Variants in ZC3H3 observed in about 807,000 individuals in gnomAD.
The protein encoded by ZC3H3 is zinc finger CCCH-type containing 3.
ZC3H3 carries 36 observed loss-of-function variants against 77.3 expected under a neutral mutation model. The ratio of observed to expected loss-of-function variants is 0.47; its 90% CI spans 0.36 to 0.61. ZC3H3 has a LOEUF of 0.61. Ranked by LOEUF, ZC3H3 falls within the 20% of genes least tolerant of loss-of-function variation. The pLI is 0.00. For missense variants in ZC3H3, 1,331 were observed against 1,312.2 expected (o/e 1.01, Z -0.22); for synonymous variants, 626 against 555.2 (o/e 1.13, Z -1.79).
chr8:143,457,602 G>C (rs991003962), intron 9 of ZC3H3, among the ~76,000 whole-genome samples: 1 of 152,098 alleles, frequency 6.6e-6, no homozygotes, highest in East Asian at 1.9e-4. Flanking sequence ...TGTGGTAGCA[G>C]GGACCTGTAG....
At chr8:143,488,512 C>T (rs1295350684) in intron 4 of ZC3H3, among the ~76,000 whole-genome samples, 2 of 151,602 alleles carry the variant, frequency 1.3e-5, no homozygotes, top group African/African-American at 4.9e-5. Flanking sequence ...GGCCCCATCA[C>T]CACGAAGCTC....
In ZC3H3 at chr8:143,441,029, T is replaced by G. The variant is rs769670337; in HGVS notation, c.2399A>C (p.Gln800Pro). The G allele has an allele frequency of 8.1e-6, 12 of 1,482,228 alleles. No individual in the cohort carries two copies. Among genetic ancestry groups the G allele is most frequent in the Non-Finnish European group, 1.1e-5 (12 of 1,124,782 alleles). The allele number at this position is 1,482,228 out of a possible 1,614,324, so 91.8% of individuals were successfully genotyped here. Residue 800 changes from glutamine (Q) to proline (P), a missense_variant, in exon 10 of 12, where the codon CAG (glutamine) becomes CCG (proline). Physicochemically the swap from Gln to Pro is moderately conservative, Grantham distance 76 (BLOSUM62 -1). This residue lies in a region of ZC3H3 where 249 missense variants were observed against 236.9 expected (regional missense o/e 1.05). Transcript: ENST00000262577. ...GAQCQLLHRTQKRHSRRAATS... is the reference protein window; with the variant it reads ...GAQCQLLHRTPKRHSRRAATS... ...GGCTGCCCGCCGACTGTGGCGTTTC[T>G]GGGTACGGTGGAGCAGCTGGCACTG... is the stretch of plus-strand genomic sequence containing the variant.
intron 4 of ZC3H3, among the ~76,000 whole-genome samples, chr8:143,498,102 C>T (rs1821406116): frequency 6.6e-6 from 1 of 152,192 alleles, no homozygotes; most frequent in African/African-American, 2.4e-5. Context: ...ACTGCCTGGG[C>T]CACGCACCGG....
Position 143,468,521 on chromosome 8 carries a change from G to C in ZC3H3, c.1966C>G (p.Leu656Val). 1 of 1,608,972 alleles carries C rather than the reference G, an allele frequency of 6.2e-7. No homozygotes were observed. Among genetic ancestry groups the C allele is most frequent in the Non-Finnish European group, 8.5e-7 (1 of 1,178,280 alleles). The change falls in exon 7 of 12, where the codon CTG (leucine) becomes GTG (valine). Residue 656 changes from leucine (L) to valine (V), a missense_variant. Leu to Val is a conservative substitution (Grantham distance 32, BLOSUM62 1). Transcript: ENST00000262577. ...SLASRAVQRS[L>V]AIIRQARQRR... ...TGCCGCGCCTGCCGGATGATGGCCA[G>C]GCTGCGCTGCACTGCCCGGCTGCAG...
intron 4 of ZC3H3, among the ~76,000 whole-genome samples, chr8:143,482,987 G>A (rs749980882): frequency 4.6e-5 from 7 of 152,222 alleles, no homozygotes; most frequent in Non-Finnish European, 8.8e-5. Flanking sequence ...AGCAGCCCCT[G>A]GCCAGGCCGC....
chr8:143,506,037 G>A (rs904769215), intron 4 of ZC3H3, among the ~76,000 whole-genome samples: 3 of 152,234 alleles, frequency 2.0e-5, no homozygotes, highest in Non-Finnish European at 4.4e-5. Context: ...GGCCCTGGGC[G>A]CTGGGCCGGC....
At chr8:143,445,171 C>T (rs930683345) in intron 9 of ZC3H3, among the ~76,000 whole-genome samples, 3 of 152,112 alleles carry the variant, frequency 2.0e-5, no homozygotes, top group East Asian at 1.9e-4. Context: ...CACCTTAAGT[C>T]GGTGGTTGGA....
At chr8:143,477,305 A>G (rs930008434) in intron 4 of ZC3H3, among the ~76,000 whole-genome samples, 1 of 152,134 alleles carries the variant, frequency 6.6e-6, no homozygotes, top group African/African-American at 2.4e-5. Flanking sequence ...ACAAACACCA[A>G]TCTTGGCGGG....
At chr8:143,488,942 G>C (rs1402186977) in intron 4 of ZC3H3, among the ~76,000 whole-genome samples, 1 of 152,210 alleles carries the variant, frequency 6.6e-6, no homozygotes, top group Non-Finnish European at 1.5e-5. Flanking sequence ...ACCCTCCTCA[G>C]ATCCGCTGTC....
intron 9 of ZC3H3, among the ~76,000 whole-genome samples, chr8:143,459,971 G>C (rs1379349620): frequency 6.6e-6 from 1 of 152,124 alleles, no homozygotes; most frequent in Non-Finnish European, 1.5e-5. Flanking sequence ...CAGAGGCCGG[G>C]CGTGGTGGCT....
intron 3 of ZC3H3, among the ~76,000 whole-genome samples, chr8:143,520,059 G>A (rs1319429358): frequency 6.6e-6 from 1 of 152,220 alleles, no homozygotes; most frequent in African/African-American, 2.4e-5. Context: ...CAATGGAACT[G>A]GGTGGGCTTC....
At chr8:143,446,342 T>C (rs1240073149) in intron 9 of ZC3H3, among the ~76,000 whole-genome samples, 1 of 152,234 alleles carries the variant, frequency 6.6e-6, no homozygotes, top group Non-Finnish European at 1.5e-5. Context: ...AACTTCTGAT[T>C]TTCAACACGT....
chr8:143,448,021 A>G (rs1344093646), intron 9 of ZC3H3, among the ~76,000 whole-genome samples: 1 of 152,160 alleles, frequency 6.6e-6, no homozygotes, highest in Non-Finnish European at 1.5e-5. Context: ...CTAGCTACTC[A>G]GCAGACTGAG....
chr8:143,464,117 C>T (rs749596979), intron 9 of ZC3H3, among the ~76,000 whole-genome samples: 3 of 152,254 alleles, frequency 2.0e-5, no homozygotes, highest in Non-Finnish European at 4.4e-5. Context: ...CCCGGGCTGC[C>T]GCCTGTCCCC....
intron 11 of ZC3H3, among the ~76,000 whole-genome samples, chr8:143,438,751 G>A (rs975337156): frequency 1.1e-4 from 16 of 152,228 alleles, no homozygotes; most frequent in African/African-American, 3.9e-4. Flanking sequence ...CCGCTGAATA[G>A]AGATGTCTCC....
At chr8:143,472,846 G>A (rs1417834319) in intron 5 of ZC3H3, among the ~76,000 whole-genome samples, 1 of 152,218 alleles carries the variant, frequency 6.6e-6, no homozygotes, top group African/African-American at 2.4e-5. Flanking sequence ...GTGAACAGGC[G>A]GGGCCAGCCT....
chr8:143,452,639 TACA>T (rs892222008), intron 9 of ZC3H3, among the ~76,000 whole-genome samples: 127 of 152,200 alleles, frequency 8.3e-4, no homozygotes, highest in African/African-American at 2.7e-3. Context: ...AAAAAGAAGA[TACA>T]GTAGAACCAA....
chr8:143,452,826 GACC>G (rs1376698334), intron 9 of ZC3H3, among the ~76,000 whole-genome samples: 1 of 152,160 alleles, frequency 6.6e-6, no homozygotes, highest in African/African-American at 2.4e-5. Flanking sequence ...GGGACCTTGG[GACC>G]ACAACAAAAG....
intron 3 of ZC3H3, among the ~76,000 whole-genome samples, chr8:143,516,246 T>C (rs927083646): frequency 6.6e-6 from 1 of 152,144 alleles, no homozygotes; most frequent in Non-Finnish European, 1.5e-5. Context: ...GTCTAATAAA[T>C]CACTCCACTT....
Sources: allele counts gnomAD v4.1 joint callset (sites outside exome capture counted in the v4.1 genomes callset), GRCh38; gene constraint gnomAD v4.1.1; regional missense constraint gnomAD v4.1.1; transcripts MANE v1.5; gene names NCBI Gene and HGNC (gene_info 2026-07-23, HGNC 2026-07-21).